VAV3: variants seen among roughly 807,000 people sequenced by gnomAD.
VAV3 encodes the protein guanine nucleotide exchange factor VAV3.
Under a neutral mutation model 131.2 loss-of-function variants are expected in VAV3, and 94 were observed. The observed-to-expected ratio is 0.72, with a 90% CI of 0.61 to 0.85. The LOEUF is 0.85. Among genes scored for constraint, VAV3 ranks in the 40% least tolerant of loss-of-function variants. VAV3 has a pLI of 0.00. For synonymous variants in VAV3, 349 were observed against 342.0 expected, an observed-to-expected ratio of 1.02 and a Z score of -0.22; for missense variants, 939 against 1,002.7, an observed-to-expected ratio of 0.94 and a Z score of 0.86.
chr1:107,803,572 T>C (rs1308922247), intron 2 of VAV3, among the ~76,000 whole-genome samples: 2 of 152,092 alleles, frequency 1.3e-5, no homozygotes, highest in African/African-American at 4.8e-5. Flanking sequence ...GAGGTTCTTC[T>C]TGTGATTGAT....
intron 19 of VAV3, among the ~76,000 whole-genome samples, chr1:107,658,930 C>T (rs1656791020): frequency 6.6e-6 from 1 of 152,096 alleles, no homozygotes; most frequent in Non-Finnish European, 1.5e-5. Context: ...GTTTCTTTTG[C>T]TGTGCAGAAG....
At chr1:107,623,413 T>A (rs1358282109) in intron 20 of VAV3, among the ~76,000 whole-genome samples, 2 of 152,222 alleles carry the variant, frequency 1.3e-5, no homozygotes, top group Non-Finnish European at 2.9e-5. Context: ...GGCCCATTCA[T>A]GTGTTATTAA....
At chr1:107,959,020 G>C (rs1013552949) in intron 1 of VAV3, among the ~76,000 whole-genome samples, 2 of 152,014 alleles carry the variant, frequency 1.3e-5, no homozygotes, top group Non-Finnish European at 1.5e-5. Flanking sequence ...CAGTACTTTC[G>C]GGAGGCCAAG....
At chr1:107,590,098 C>T (rs548287252) in intron 25 of VAV3, among the ~76,000 whole-genome samples, 3 of 152,302 alleles carry the variant, frequency 2.0e-5, no homozygotes, top group African/African-American at 7.2e-5. Context: ...ACAGCCTAGG[C>T]TCTGTTCTGG....
intron 1 of VAV3, among the ~76,000 whole-genome samples, chr1:107,958,487 T>C (rs1405267569): frequency 6.6e-6 from 1 of 152,206 alleles, no homozygotes; most frequent in African/African-American, 2.4e-5. Context: ...ATTTTAGGAA[T>C]GCTGCATCAC....
At chr1:107,741,327 T>C (rs907955776) in intron 15 of VAV3, among the ~76,000 whole-genome samples, 10 of 152,336 alleles carry the variant, frequency 6.6e-5, no homozygotes, top group South Asian at 2.1e-4. Flanking sequence ...TAACATGACA[T>C]GGCTTTATTC....
In VAV3 at chr1:107,572,588, A is replaced by C. The variant is rs1426276307; in HGVS notation, c.*743T>G. On this transcript the variant is annotated 3_prime_UTR_variant, in exon 27 of 27. Coordinates refer to ENST00000370056, the MANE Select transcript of VAV3 (RefSeq NM_006113.5). ...TATATTTCCAAAATAATCCTATGAA[A>C]TCATGAAGGTTGTGAAGGTTTAATA... is the stretch of plus-strand genomic sequence containing the variant. The C allele has an allele frequency of 2.0e-5, 3 of 152,624 alleles. No individual in the cohort carries two copies. The highest frequency in any genetic ancestry group is 6.5e-5 in the Admixed American group (1 of 15,278). 9.5% of individuals were successfully genotyped at this position (152,624 alleles called of 1,614,324 possible). A position where few individuals can be genotyped will look rare whatever the true frequency, so the allele number is the denominator to read the frequency against.
chr1:107,902,786 A>G (rs1671926184), intron 1 of VAV3, among the ~76,000 whole-genome samples: 1 of 152,206 alleles, frequency 6.6e-6, no homozygotes, highest in African/African-American at 2.4e-5. Flanking sequence ...AAAGAATTAA[A>G]AAAAAAGCTT....
At chr1:107,739,025 A>C (rs1024047248) in intron 15 of VAV3, among the ~76,000 whole-genome samples, 1 of 152,190 alleles carries the variant, frequency 6.6e-6, no homozygotes, top group Non-Finnish European at 1.5e-5. Context: ...GGAAACAAAC[A>C]CTAATTCAGC....
Position 107,587,459 on chromosome 1 carries a change from G to A in VAV3, c.2350+8753C>T, listed in dbSNP as rs144924392. ...TCTCCCCATTTAGATGAATTTGTTT[G>A]TTTTTCAAGCAAGAGACTAGTAAAA... On this transcript the variant is annotated intron_variant, in intron 25 of 26. Transcript: ENST00000370056. Among the ~76,000 whole-genome samples, 464 of 152,240 alleles carry A rather than the reference G, an allele frequency of 3.0e-3. 2 individuals are homozygous for A. The highest frequency in any genetic ancestry group is 0.011 in the African/African-American group (438 of 41,540).
intron 2 of VAV3, among the ~76,000 whole-genome samples, chr1:107,831,285 C>T (rs1223349592): frequency 1.3e-5 from 2 of 152,002 alleles, no homozygotes; most frequent in Non-Finnish European, 2.9e-5. Context: ...TATCTCTATA[C>T]AATAATACCA....
intron 1 of VAV3, among the ~76,000 whole-genome samples, chr1:107,957,801 T>C (rs1008163956): frequency 1.3e-5 from 2 of 152,098 alleles, no homozygotes; most frequent in African/African-American, 4.8e-5. Flanking sequence ...TCCACTGTAT[T>C]TGAAAATTAG....
At chr1:107,810,229 G>T (rs17020100) in intron 2 of VAV3, among the ~76,000 whole-genome samples, 22,966 of 152,042 alleles carry the variant, frequency 0.15, 2,011 homozygotes, top group East Asian at 0.29. Context: ...CAGAGGTGGG[G>T]TGTCACTCAG....
At chr1:107,680,109 C>T (rs1202206676) in intron 19 of VAV3, among the ~76,000 whole-genome samples, 2 of 152,124 alleles carry the variant, frequency 1.3e-5, no homozygotes, top group Non-Finnish European at 2.9e-5. Context: ...TAACAAGCTA[C>T]AACACAAACC....
In VAV3 at chr1:107,879,558, T is replaced by C. The variant is rs145266762; in HGVS notation, c.205-4541A>G. The stretch of plus-strand genomic sequence containing the variant: ...TTGGCACAACATTACTTGAGTGTTT[T>C]TTTTTCCCAGTCTATTCATTCTTTG... On this transcript the variant is annotated intron_variant, in intron 1 of 26. Transcript: ENST00000370056. Among the ~76,000 whole-genome samples, 628 of 152,308 alleles carry C rather than the reference T, an allele frequency of 4.1e-3. 5 individuals are homozygous for C. The highest frequency in any genetic ancestry group is 0.014 in the African/African-American group (590 of 41,580).
chr1:107,856,432 T>G (rs865831974), intron 2 of VAV3, among the ~76,000 whole-genome samples: 2 of 152,296 alleles, frequency 1.3e-5, no homozygotes, highest in Middle Eastern at 3.4e-3. Context: ...TATAACATTT[T>G]TTATGAGTAG....
intron 1 of VAV3, among the ~76,000 whole-genome samples, chr1:107,911,436 T>C (rs974508273): frequency 1.1e-4 from 17 of 152,156 alleles, no homozygotes; most frequent in African/African-American, 4.1e-4. Context: ...AGAATAAAAA[T>C]GCTGTGTCTC....
At chr1:107,844,838 G>T (rs187653006) in intron 2 of VAV3, among the ~76,000 whole-genome samples, 1 of 152,302 alleles carries the variant, frequency 6.6e-6, no homozygotes, top group East Asian at 1.9e-4. Flanking sequence ...CCATCTCCCT[G>T]GGACAGAGCA....
At chr1:107,960,343 G>T (rs114886877) in intron 1 of VAV3, among the ~76,000 whole-genome samples, 8,763 of 152,122 alleles carry the variant, frequency 0.058, 346 homozygotes, top group African/African-American at 0.11. Context: ...GCACGTGCCT[G>T]TAGTCCCAGC....
Sources: gnomAD v4.1 joint callset for allele counts (sites outside exome capture counted in the v4.1 genomes callset) on GRCh38, gnomAD v4.1.1 for gene constraint, MANE v1.5 for transcripts, NCBI Gene and HGNC (gene_info 2026-07-23, HGNC 2026-07-21) for gene names.